Variants in ENOX1 observed in about 807,000 individuals in gnomAD.
The protein encoded by ENOX1 is candidate growth-related and time keeping constitutive hydroquinone (NADH) oxidase.
ENOX1 carries 42 observed loss-of-function variants against 82.5 expected under a neutral mutation model. The observed-to-expected ratio is 0.51, with a 90% confidence interval of 0.40 to 0.66. The LOEUF (loss-of-function observed/expected upper bound fraction) is 0.66. Ranked by LOEUF, ENOX1 falls within the 30% of genes least tolerant of loss-of-function variation. ENOX1 has a pLI of 0.00. For synonymous variants in ENOX1, 271 were observed against 282.2 expected, an observed-to-expected ratio of 0.96 and a Z score of 0.40; for missense variants, 608 against 811.6, an observed-to-expected ratio of 0.75 and a Z score of 3.05.
intron 3 of ENOX1, among the ~76,000 whole-genome samples, chr13:43,461,070 T>C (rs2057463783): frequency 6.6e-6 from 1 of 152,208 alleles, no homozygotes; most frequent in Non-Finnish European, 1.5e-5. Context: ...CTTACTAAAA[T>C]CATCTGGTTA....
chr13:43,508,048 G>T lies in ENOX1; in HGVS notation c.-218-23896C>A, dbSNP rs139670386. Among the ~76,000 whole-genome samples the T allele has an allele frequency of 9.6e-3, 1,453 of 151,992 alleles. 14 individuals carry two copies. The highest frequency in any genetic ancestry group is 0.024 in the Middle Eastern group (7 of 294). ...TTAAAAGCACATATGAGAGAAACTG[G>T]AAGGCATTAAAGGGAGGAGTTATAG... On this transcript the variant is annotated intron_variant, in intron 2 of 16. Transcript: ENST00000690772.
In ENOX1 at chr13:43,360,044, A is replaced by G. The variant is rs775146091; in HGVS notation, c.396T>C (p.Pro132=). The change falls in exon 7 of 17, where the codon CCT becomes CCC. Residue 132 remains proline, a synonymous_variant. Transcript: ENST00000690772. ...LFPQNPNLPP[P]STRERPPGCK... ...ACCCAGGAGGTCGTTCTCTTGTGGA[A>G]GGAGGTGGAAGATCTAATAATCACA... 1.2e-6 allele frequency: 2 copies of G among 1,614,034 alleles called. No homozygotes were observed. The highest frequency in any genetic ancestry group is 1.3e-5 in the African/African-American group (1 of 74,944).
chr13:43,322,269 A>C (rs1437381785), intron 11 of ENOX1, 115 bp downstream of exon 11: 1 of 715,290 alleles, frequency 1.4e-6, no homozygotes, highest in Non-Finnish European at 2.3e-6. Flanking sequence ...CTCAAAGATG[A>C]AAGTTTAGTA....
intron 3 of ENOX1, among the ~76,000 whole-genome samples, chr13:43,453,791 A>G (rs1268891637): frequency 6.6e-6 from 1 of 152,206 alleles, no homozygotes; most frequent in African/African-American, 2.4e-5. Flanking sequence ...AATATGTGTG[A>G]ATGGAAGGTG....
intron 14 of ENOX1, among the ~76,000 whole-genome samples, chr13:43,256,103 C>T (rs2043730546): frequency 6.6e-6 from 1 of 152,012 alleles, no homozygotes; most frequent in East Asian, 1.9e-4. Flanking sequence ...AAACAGTATG[C>T]AGAAGAATGA....
intron 10 of ENOX1, among the ~76,000 whole-genome samples, chr13:43,324,968 T>A (rs1445621607): frequency 6.6e-6 from 1 of 152,220 alleles, no homozygotes; most frequent in Non-Finnish European, 1.5e-5. Context: ...CAACATTCCT[T>A]TTAATCATGT....
intron 8 of ENOX1, among the ~76,000 whole-genome samples, chr13:43,351,300 T>C (rs2049769564): frequency 1.3e-5 from 2 of 152,224 alleles, no homozygotes; most frequent in African/African-American, 4.8e-5. Context: ...TGCAATCTCC[T>C]TAACTATTTA....
At chr13:43,406,119 G>A (rs192348890) in intron 5 of ENOX1, among the ~76,000 whole-genome samples, 1 of 152,200 alleles carries the variant, frequency 6.6e-6, no homozygotes, top group East Asian at 1.9e-4. Context: ...ATATTAAAGA[G>A]GATAAAGGTG....
At chr13:43,390,050 G>A (rs910888945) in intron 5 of ENOX1, among the ~76,000 whole-genome samples, 1 of 152,106 alleles carries the variant, frequency 6.6e-6, no homozygotes, top group Non-Finnish European at 1.5e-5. Flanking sequence ...GATTATGAGA[G>A]GTCTATTATC....
At chr13:43,400,064 T>A (rs1487715957) in intron 5 of ENOX1, among the ~76,000 whole-genome samples, 1 of 152,120 alleles carries the variant, frequency 6.6e-6, no homozygotes, top group African/African-American at 2.4e-5. Context: ...CCTTTCATTC[T>A]CACCACCTGT....
intron 1 of ENOX1, among the ~76,000 whole-genome samples, chr13:43,757,444 G>A (rs1442836695): frequency 6.6e-6 from 1 of 152,194 alleles, no homozygotes; most frequent in East Asian, 1.9e-4. Context: ...TGAGACACAT[G>A]TGGTTGTGTG....
At position 43,667,518 on chromosome 13, in the gene ENOX1, T is replaced by C. The variant is rs1004276184; in HGVS notation, c.-258A>G. The C allele has an allele frequency of 1.9e-5, 19 of 985,230 alleles. No individual in the cohort carries two copies. In the African/African-American group the frequency reaches 3.1e-4, roughly 16 times the overall value. The allele number at this position is 985,230 out of a possible 1,614,324, so 61.0% of individuals were successfully genotyped here. On this transcript the variant is annotated 5_prime_UTR_variant, in exon 2 of 17. Coordinates refer to ENST00000690772, the MANE Select transcript of ENOX1 (RefSeq NM_001347969.2). ...CTCTCTCTCCTCCACATATTATAAA[T>C]ACGACATCATGCTGGCAGCAAAGGA...
intron 1 of ENOX1, among the ~76,000 whole-genome samples, chr13:43,714,169 A>G (rs1234631925): frequency 1.6e-4 from 24 of 151,616 alleles, no homozygotes; most frequent in Non-Finnish European, 2.4e-4. Flanking sequence ...ATTTCGTTAT[A>G]TACCCAGTAG....
At chr13:43,529,346 A>G (rs919229776) in intron 2 of ENOX1, among the ~76,000 whole-genome samples, 6 of 151,984 alleles carry the variant, frequency 3.9e-5, no homozygotes, top group Admixed American at 6.6e-5. Flanking sequence ...CCCTTATTTG[A>G]CTTACTAATG....
chr13:43,706,178 A>C (rs1193526846), intron 1 of ENOX1, among the ~76,000 whole-genome samples: 1 of 152,056 alleles, frequency 6.6e-6, no homozygotes, highest in Non-Finnish European at 1.5e-5. Flanking sequence ...TAAAAAGCTT[A>C]TATTTAAAAA....
intron 2 of ENOX1, among the ~76,000 whole-genome samples, chr13:43,581,080 A>G (rs1004317704): frequency 3.4e-5 from 5 of 147,920 alleles, no homozygotes; most frequent in African/African-American, 1.2e-4. Context: ...CAAAATGGAG[A>G]GATACTCAGG....
chr13:43,415,009 G>C (rs975316639), intron 3 of ENOX1, among the ~76,000 whole-genome samples: 8 of 152,162 alleles, frequency 5.3e-5, no homozygotes, highest in Non-Finnish European at 1.0e-4. Context: ...GTCGTATAAA[G>C]GGGCATCAAG....
chr13:43,609,011 C>T (rs994773112), intron 2 of ENOX1, among the ~76,000 whole-genome samples: 8 of 152,164 alleles, frequency 5.3e-5, no homozygotes, highest in African/African-American at 1.2e-4. Flanking sequence ...CAGAACTCTC[C>T]GTTCTCAAAT....
At chr13:43,436,647 G>A (rs904352469) in intron 3 of ENOX1, among the ~76,000 whole-genome samples, 19 of 152,094 alleles carry the variant, frequency 1.2e-4, no homozygotes, top group Admixed American at 3.9e-4. Flanking sequence ...ATATGAAGAT[G>A]ACAGGACTTT....
Sources: gnomAD v4.1 joint callset for allele counts (sites outside exome capture counted in the v4.1 genomes callset) on GRCh38, gnomAD v4.1.1 for gene constraint, MANE v1.5 for transcripts, NCBI Gene and HGNC (gene_info 2026-07-23, HGNC 2026-07-21) for gene names.